GRIK4: variants seen among roughly 807,000 people sequenced by gnomAD.
GRIK4 encodes the protein glutamate ionotropic receptor kainate type subunit 4.
A neutral mutation model predicts 104.9 loss-of-function variants in GRIK4; 40 were observed. The observed-to-expected ratio is 0.38, with a 90% CI of 0.30 to 0.50. The LOEUF (loss-of-function observed/expected upper bound fraction) is 0.50. GRIK4 is among the 20% of genes least tolerant of loss of function. GRIK4 has a pLI of 0.93. For missense variants in GRIK4, 1,047 were observed against 1,308.1 expected (o/e 0.80, Z 3.08); for synonymous variants, 485 against 524.9 (o/e 0.92, Z 1.04).
intron 1 of GRIK4, among the ~76,000 whole-genome samples, chr11:120,517,965 A>C (rs1947751195): frequency 6.6e-6 from 1 of 152,214 alleles, no homozygotes; most frequent in Non-Finnish European, 1.5e-5. Flanking sequence ...CGCTTAATGA[A>C]AAAGAAAAGT....
At chr11:120,558,854 C>A (rs1948211922) in intron 1 of GRIK4, among the ~76,000 whole-genome samples, 2 of 152,146 alleles carry the variant, frequency 1.3e-5, no homozygotes. Flanking sequence ...TAGATTGGAC[C>A]TTCTCTTGTG....
intron 6 of GRIK4, among the ~76,000 whole-genome samples, chr11:120,822,853 A>G (rs900447873): frequency 1.3e-5 from 2 of 152,196 alleles, no homozygotes; most frequent in African/African-American, 4.8e-5. Context: ...CAAAACATGT[A>G]TTTGCTTCAT....
intron 13 of GRIK4, among the ~76,000 whole-genome samples, chr11:120,906,955 G>A (rs1316151984): frequency 6.6e-6 from 1 of 152,182 alleles, no homozygotes; most frequent in Non-Finnish European, 1.5e-5. Flanking sequence ...GGCTGCAGAA[G>A]GCCTAGGGAG....
At chr11:120,802,615 C>A in intron 3 of GRIK4, 78 bp from the exon 4 acceptor site, 1 of 1,250,292 alleles carries the variant, frequency 8.0e-7, no homozygotes, top group Non-Finnish European at 1.2e-6. Context: ...AAGGTGGCAG[C>A]AGGGGGAGGC....
chr11:120,727,763 G>GA (rs1425071694), intron 3 of GRIK4, among the ~76,000 whole-genome samples: 1 of 151,470 alleles, frequency 6.6e-6, no homozygotes, highest in African/African-American at 2.4e-5. Context: ...GAAATAGAAG[G>GA]AAAAACATTA....
chr11:120,936,320 G>T, intron 13 of GRIK4: 1 of 508,586 alleles, frequency 2.0e-6, no homozygotes, highest in South Asian at 1.4e-5. Context: ...GTTCTCCTTT[G>T]ATGTGAGGGC....
At chr11:120,782,981 C>G (rs187686739) in intron 3 of GRIK4, among the ~76,000 whole-genome samples, 1 of 152,192 alleles carries the variant, frequency 6.6e-6, no homozygotes, top group Non-Finnish European at 1.5e-5. Flanking sequence ...ATCACACTCA[C>G]GAGGGAGGAG....
At chr11:120,829,179 C>T (rs188416232) in intron 6 of GRIK4, among the ~76,000 whole-genome samples, 3 of 152,264 alleles carry the variant, frequency 2.0e-5, no homozygotes, top group Non-Finnish European at 2.9e-5. Flanking sequence ...GCACCCTCAC[C>T]CACAGCCTGC....
intron 8 of GRIK4, among the ~76,000 whole-genome samples, chr11:120,848,659 G>A (rs1002315001): frequency 4.6e-5 from 7 of 152,166 alleles, no homozygotes; most frequent in African/African-American, 1.7e-4. Context: ...TGATGAATCA[G>A]TATATCCAGG....
chr11:120,533,405 G>A (rs946944481), intron 1 of GRIK4, among the ~76,000 whole-genome samples: 8 of 152,166 alleles, frequency 5.3e-5, no homozygotes, highest in African/African-American at 1.2e-4. Context: ...TACTGCTAGC[G>A]CCCCTTTTAA....
In GRIK4 at chr11:120,790,985, G is replaced by A. The variant is rs1952382741; in HGVS notation, c.83-11708G>A. Among the ~76,000 whole-genome samples the A allele has an allele frequency of 2.6e-5, 4 of 152,170 alleles. No homozygotes were observed. In the South Asian group the frequency reaches 8.3e-4, roughly 31 times the overall value. On this transcript the variant is annotated intron_variant, in intron 3 of 20. Coordinates refer to ENST00000527524, the MANE Select transcript of GRIK4 (RefSeq NM_014619.5). Reference sequence around the variant, plus strand: ...TTTGGGACACAGAATTTGGACATTTGGACATTTCTTACTAGTAGCCAGAAA... The same window carrying A: ...TTTGGGACACAGAATTTGGACATTTAGACATTTCTTACTAGTAGCCAGAAA...
chr11:120,677,794 T>G (rs1350549259), intron 3 of GRIK4, among the ~76,000 whole-genome samples: 2 of 152,176 alleles, frequency 1.3e-5, no homozygotes, highest in Non-Finnish European at 2.9e-5. Flanking sequence ...TAGAGCAGAG[T>G]AAGAGAGAGG....
chr11:120,909,561 G>A (rs1196633294), intron 13 of GRIK4, among the ~76,000 whole-genome samples: 1 of 152,144 alleles, frequency 6.6e-6, no homozygotes, highest in Non-Finnish European at 1.5e-5. Context: ...AAGAGAATGT[G>A]TACAAGGATG....
intron 6 of GRIK4, among the ~76,000 whole-genome samples, chr11:120,825,894 T>TG (rs1953245156): frequency 6.6e-6 from 1 of 152,166 alleles, no homozygotes; most frequent in Non-Finnish European, 1.5e-5. Flanking sequence ...GAGTAGGCAG[T>TG]GATACCCAAG....
intron 1 of GRIK4, chr11:120,564,626 G>C (rs958963913): frequency 6.6e-6 from 1 of 152,306 alleles, no homozygotes; most frequent in Admixed American, 6.5e-5. Flanking sequence ...GCAGTCGTTC[G>C]GGCCTGGAGG....
intron 3 of GRIK4, among the ~76,000 whole-genome samples, chr11:120,708,673 C>T (rs1457892278): frequency 2.6e-5 from 4 of 152,162 alleles, no homozygotes; most frequent in South Asian, 2.1e-4. Context: ...TGAAGCTGCC[C>T]GCCTAAAGGT....
chr11:120,722,591 C>T lies in GRIK4; in HGVS notation c.82+62191C>T, dbSNP rs554461426. ...CCATTGTACTCCAGCCTCCAGCCTG[C>T]GTGACAAAGCGAGACTCCATCAAAA... is the stretch of plus-strand genomic sequence containing the variant. On this transcript the variant is annotated intron_variant, in intron 3 of 20. Coordinates refer to ENST00000527524, the MANE Select transcript of GRIK4 (RefSeq NM_014619.5). Among the ~76,000 whole-genome samples the T allele has an allele frequency of 4.0e-5, 6 of 149,006 alleles. No individual in the cohort carries two copies. In the East Asian group the frequency reaches 6.0e-4, roughly 15 times the overall value.
chr11:120,832,049 C>G lies in GRIK4; in HGVS notation c.690+19C>G. The G allele has an allele frequency of 4.5e-6, 7 of 1,565,110 alleles. No homozygotes were observed. The South Asian group carries it at 6.9e-5, about 15-fold the overall frequency. On this transcript the variant is annotated intron_variant, in intron 7 of 20. Transcript: ENST00000527524. ...CCTGAAGGTGGGAGCCTCCCTCTCT[C>G]CCCCACCCCCTGCTGAGCTCCACCC...
At chr11:120,552,458 G>A (rs1948149263) in intron 1 of GRIK4, among the ~76,000 whole-genome samples, 1 of 152,192 alleles carries the variant, frequency 6.6e-6, no homozygotes, top group Admixed American at 6.5e-5. Context: ...AGGGTGTTGG[G>A]GAGGCTGAGG....
Sources: allele counts gnomAD v4.1 joint callset (sites outside exome capture counted in the v4.1 genomes callset), GRCh38; gene constraint gnomAD v4.1.1; transcripts MANE v1.5; gene names NCBI Gene and HGNC (gene_info 2026-07-23, HGNC 2026-07-21).